The following SLC4A4 variants were observed in gnomAD, a reference collection of about 807,000 sequenced individuals.
The protein encoded by SLC4A4 is electrogenic sodium bicarbonate cotransporter 1.
Under a neutral mutation model 111.5 loss-of-function variants are expected in SLC4A4, and 27 were observed. That is an observed-to-expected ratio of 0.24 (90% CI 0.18 to 0.33). The LOEUF (loss-of-function observed/expected upper bound fraction) is 0.33, where lower values mean the gene tolerates loss of function less well. SLC4A4 is among the 10% of genes least tolerant of loss of function. SLC4A4 has a pLI of 1.00. For missense variants in SLC4A4, 909 were observed against 1,315.5 expected (o/e 0.69, Z 4.78); for synonymous variants, 443 against 463.4 (o/e 0.96, Z 0.57).
intron 16 of SLC4A4, among the ~76,000 whole-genome samples, chr4:71,499,624 T>TA (rs1236992967): frequency 2.6e-5 from 4 of 152,162 alleles, no homozygotes; most frequent in Admixed American, 6.6e-5. Context: ...ACTGTCTACT[T>TA]ATATGAGTTT....
At chr4:71,566,909 C>A (rs1737522426) in intron 24 of SLC4A4, 95 bp from the exon 25 acceptor site, 13 of 914,892 alleles carry the variant, frequency 1.4e-5, no homozygotes, top group Middle Eastern at 2.2e-4. Flanking sequence ...TTTACTCTTA[C>A]CAGTTATGGA....
chr4:71,077,314 C>A (rs1311072400), intron 1 of SLC4A4, among the ~76,000 whole-genome samples: 1 of 151,946 alleles, frequency 6.6e-6, no homozygotes, highest in Non-Finnish European at 1.5e-5. Flanking sequence ...GTGCCCACCC[C>A]CATGCTCGGC....
At chr4:71,447,221 A>G (rs1725320325) in intron 8 of SLC4A4, among the ~76,000 whole-genome samples, 1 of 152,214 alleles carries the variant, frequency 6.6e-6, no homozygotes, top group Non-Finnish European at 1.5e-5. Context: ...GTCACTGCCC[A>G]TATTGGGTAA....
intron 2 of SLC4A4, among the ~76,000 whole-genome samples, chr4:71,248,101 G>T (rs1436428763): frequency 6.6e-6 from 1 of 152,118 alleles, no homozygotes; most frequent in Non-Finnish European, 1.5e-5. Context: ...GGCTAAAACT[G>T]CCGATTAAGG....
At chr4:71,214,475 G>A (rs541899098) in intron 1 of SLC4A4, among the ~76,000 whole-genome samples, 12 of 152,176 alleles carry the variant, frequency 7.9e-5, no homozygotes, top group African/African-American at 2.4e-4. Flanking sequence ...TATGACCCTT[G>A]TATATAACCC....
chr4:71,193,374 T>C (rs1001943607), intron 1 of SLC4A4, among the ~76,000 whole-genome samples: 2 of 152,164 alleles, frequency 1.3e-5, no homozygotes, highest in Admixed American at 6.5e-5. Flanking sequence ...TTAGCCAGGA[T>C]GGTCTCGATC....
intron 6 of SLC4A4, among the ~76,000 whole-genome samples, chr4:71,395,478 C>T (rs1316123403): frequency 6.6e-6 from 1 of 152,128 alleles, no homozygotes; most frequent in Non-Finnish European, 1.5e-5. Context: ...GGACCTGAAC[C>T]TTTCTCTTGC....
At chr4:71,331,789 G>T (rs1013753059) in intron 3 of SLC4A4, among the ~76,000 whole-genome samples, 1 of 151,012 alleles carries the variant, frequency 6.6e-6, no homozygotes, top group Non-Finnish European at 1.5e-5. Context: ...TTTAAATTCA[G>T]CTGTGAAACC....
intron 2 of SLC4A4, among the ~76,000 whole-genome samples, chr4:71,168,374 G>A (rs1744841501): frequency 6.6e-6 from 1 of 151,474 alleles, no homozygotes; most frequent in African/African-American, 2.4e-5. Context: ...GTAGAGATGG[G>A]GTTTCACCAT....
chr4:71,481,424 C>A (rs1277397872), intron 14 of SLC4A4, among the ~76,000 whole-genome samples: 1 of 151,572 alleles, frequency 6.6e-6, no homozygotes, highest in Non-Finnish European at 1.5e-5. Flanking sequence ...AGGGGAAGAA[C>A]CTTTAACAGT....
intron 2 of SLC4A4, among the ~76,000 whole-genome samples, chr4:71,160,065 C>T (rs1744579076): frequency 6.6e-6 from 1 of 152,130 alleles, no homozygotes; most frequent in Non-Finnish European, 1.5e-5. Context: ...CTATTTAATT[C>T]ATGTACTTTT....
chr4:71,485,184 G>C (rs978161054), intron 14 of SLC4A4, among the ~76,000 whole-genome samples: 1 of 151,794 alleles, frequency 6.6e-6, no homozygotes, highest in Non-Finnish European at 1.5e-5. Flanking sequence ...TGTTGAATAG[G>C]AGTGGTGAGA....
chr4:71,294,029 C>G (rs1724586832), intron 3 of SLC4A4, among the ~76,000 whole-genome samples: 2 of 152,094 alleles, frequency 1.3e-5, no homozygotes, highest in Admixed American at 1.3e-4. Flanking sequence ...TCTTCAGTTC[C>G]CTAATGGATA....
chr4:71,173,365 A>G (rs1056735315), intron 2 of SLC4A4, among the ~76,000 whole-genome samples: 17 of 152,142 alleles, frequency 1.1e-4, no homozygotes, highest in African/African-American at 4.1e-4. Context: ...CCCAACAATT[A>G]TCTTTTATTA....
chr4:71,138,791 C>T (rs1041733855), intron 2 of SLC4A4, among the ~76,000 whole-genome samples: 1 of 152,154 alleles, frequency 6.6e-6, no homozygotes, highest in Admixed American at 6.5e-5. Flanking sequence ...AATCCCAGCA[C>T]TTTGGGAGGC....
chr4:71,164,400 A>G lies in SLC4A4; in HGVS notation c.-2+71608A>G, dbSNP rs181574920. Among the ~76,000 whole-genome samples, 3 of 151,452 alleles carry G rather than the reference A, an allele frequency of 2.0e-5. No individual in the cohort carries two copies. In the East Asian group the frequency reaches 5.8e-4, roughly 29 times the overall value. On this transcript the variant is annotated intron_variant, in intron 2 of 26. Coordinates refer to the SLC4A4 transcript ENST00000649996. ...GTCTCCAAAAAAAAAAAAAAAAAGCATTATTTTGAAGTTCCTCTTATTATA... is the reference window on the plus strand; with the variant it reads ...GTCTCCAAAAAAAAAAAAAAAAAGCGTTATTTTGAAGTTCCTCTTATTATA...
intron 3 of SLC4A4, among the ~76,000 whole-genome samples, chr4:71,332,060 C>T (rs1171458109): frequency 6.6e-6 from 1 of 152,010 alleles, no homozygotes; most frequent in Non-Finnish European, 1.5e-5. Context: ...TATTTGGGTT[C>T]TCTCTTTTTT....
At chr4:71,181,665 T>C (rs1745299308) in intron 2 of SLC4A4, among the ~76,000 whole-genome samples, 1 of 152,238 alleles carries the variant, frequency 6.6e-6, no homozygotes, top group South Asian at 2.1e-4. Context: ...CATTCTATAA[T>C]TACTGAGTTC....
intron 3 of SLC4A4, among the ~76,000 whole-genome samples, chr4:71,255,941 A>C (rs1376372991): frequency 6.6e-6 from 1 of 152,198 alleles, no homozygotes; most frequent in African/African-American, 2.4e-5. Context: ...AAGATGTTGA[A>C]TGTATTAGAT....
Sources: gnomAD v4.1 joint callset for allele counts (sites outside exome capture counted in the v4.1 genomes callset) on GRCh38, gnomAD v4.1.1 for gene constraint, MANE v1.5 for transcripts, NCBI Gene and HGNC (gene_info 2026-07-23, HGNC 2026-07-21) for gene names.